The following IPO11 variants were observed in gnomAD, a reference collection of about 807,000 sequenced individuals.
The protein encoded by IPO11 is importin 11, also known as importin-11.
In IPO11, 66 loss-of-function variants were observed where a neutral mutation model predicts 143.2. The ratio of observed to expected loss-of-function variants is 0.46; its 90% confidence interval spans 0.38 to 0.57. The LOEUF (loss-of-function observed/expected upper bound fraction) is 0.57, where lower values mean the gene tolerates loss of function less well. Ranked by LOEUF, IPO11 falls within the 20% of genes least tolerant of loss-of-function variation. The pLI, the probability that IPO11 is intolerant of heterozygous loss-of-function variation, is 0.00. For synonymous variants in IPO11, 385 were observed against 377.8 expected, an observed-to-expected ratio of 1.02 and a Z score of -0.22; for missense variants, 1,026 against 1,141.0, an observed-to-expected ratio of 0.90 and a Z score of 1.45.
chr5:62,436,529 G>T (rs1744245286), intron 1 of IPO11, among the ~76,000 whole-genome samples: 1 of 152,190 alleles, frequency 6.6e-6, no homozygotes, highest in South Asian at 2.1e-4. Context: ...GTATAGAATT[G>T]TATATACAAT....
chr5:62,587,874 G>A (rs1490999460), intron 27 of IPO11, among the ~76,000 whole-genome samples: 1 of 152,132 alleles, frequency 6.6e-6, no homozygotes, highest in Non-Finnish European at 1.5e-5. Context: ...CTGGTGGAGC[G>A]ACAATTTGAG....
chr5:62,435,210 G>GTGTATATA (rs1744172394), intron 1 of IPO11, among the ~76,000 whole-genome samples: 7 of 92,328 alleles, frequency 7.6e-5, no homozygotes, highest in Non-Finnish European at 1.4e-4. Flanking sequence ...GTATATATAT[G>GTGTATATA]TGTATATATA....
At chr5:62,413,379 C>G (rs958164156) in intron 1 of IPO11, 5 of 152,164 alleles carry the variant, frequency 3.3e-5, no homozygotes, top group Non-Finnish European at 5.9e-5. Context: ...ACATTAGACC[C>G]TTACATGCTT....
At chr5:62,438,215 T>C (rs1305552092) in intron 2 of IPO11, among the ~76,000 whole-genome samples, 1 of 152,196 alleles carries the variant, frequency 6.6e-6, no homozygotes, top group Non-Finnish European at 1.5e-5. Flanking sequence ...TTTTAACTTG[T>C]TGGCTAAAAA....
chr5:62,540,093 T>C (rs1365116350), intron 24 of IPO11, among the ~76,000 whole-genome samples: 2 of 152,274 alleles, frequency 1.3e-5, no homozygotes, highest in East Asian at 3.9e-4. Flanking sequence ...ATGTGTGCTC[T>C]GTTTGCTCTG....
At chr5:62,504,827 ATATTCTCAG>A (rs1561339100) in intron 17 of IPO11, 22 bp from the exon 18 acceptor site, 1 of 1,461,444 alleles carries the variant, frequency 6.8e-7, no homozygotes, top group South Asian at 1.3e-5. Flanking sequence ...TAAAACTTAT[ATATTCTCAG>A]TATTCCTTAA....
chr5:62,463,109 A>G (rs1346363496), intron 5 of IPO11, among the ~76,000 whole-genome samples: 3 of 152,072 alleles, frequency 2.0e-5, no homozygotes, highest in Admixed American at 6.6e-5. Context: ...TGGTGTGATC[A>G]TAGCTCACTG....
chr5:62,557,869 G>T (rs1375657690), intron 26 of IPO11, among the ~76,000 whole-genome samples: 1 of 152,162 alleles, frequency 6.6e-6, no homozygotes, highest in Non-Finnish European at 1.5e-5. Context: ...TGGCTGAAAA[G>T]AACTCTCAGC....
chr5:62,461,778 G>T (rs1745366307), intron 5 of IPO11, among the ~76,000 whole-genome samples: 1 of 152,132 alleles, frequency 6.6e-6, no homozygotes, highest in African/African-American at 2.4e-5. Context: ...TAAAGTACAG[G>T]TTAAGTACTT....
At chr5:62,481,507 A>G (rs1010018675) in intron 9 of IPO11, among the ~76,000 whole-genome samples, 1 of 151,958 alleles carries the variant, frequency 6.6e-6, no homozygotes, top group African/African-American at 2.4e-5. Context: ...TTCTGCATCT[A>G]TTGAGATAAT....
intron 16 of IPO11, among the ~76,000 whole-genome samples, chr5:62,495,753 G>C (rs1561334572): frequency 6.6e-6 from 1 of 152,098 alleles, no homozygotes. Context: ...TTATAGGCGT[G>C]AGCCACTGCA....
At chr5:62,456,466 C>T (rs1745160668) in intron 5 of IPO11, among the ~76,000 whole-genome samples, 1 of 151,978 alleles carries the variant, frequency 6.6e-6, no homozygotes, top group South Asian at 2.1e-4. Context: ...AAATAATGTC[C>T]CCAAATCACG....
intron 28 of IPO11, among the ~76,000 whole-genome samples, chr5:62,594,107 GGAA>G (rs1375524045): frequency 2.0e-5 from 3 of 152,118 alleles, no homozygotes; most frequent in Non-Finnish European, 4.4e-5. Context: ...TTGGAAAAAA[GGAA>G]GAAAACTCTA....
intron 6 of IPO11, among the ~76,000 whole-genome samples, chr5:62,468,960 C>T (rs371485756): frequency 1.3e-4 from 20 of 152,214 alleles, no homozygotes; most frequent in African/African-American, 4.3e-4. Context: ...TTATTTCATT[C>T]GACAAATCTA....
At chr5:62,465,644 A>G (rs1462720269) in intron 5 of IPO11, among the ~76,000 whole-genome samples, 1 of 152,238 alleles carries the variant, frequency 6.6e-6, no homozygotes, top group Non-Finnish European at 1.5e-5. Context: ...ACTCTTTGAA[A>G]TATTGCATAT....
chr5:62,504,592 A>G, intron 16 of IPO11, 75 bp from the exon 17 acceptor site: 2 of 839,052 alleles, frequency 2.4e-6, no homozygotes, highest in East Asian at 5.6e-5. Context: ...GATTTGGAAT[A>G]AAATTTTTTG....
intron 3 of IPO11, 151 bp downstream of exon 3, chr5:62,443,234 G>C (rs536323923): frequency 4.2e-6 from 2 of 478,660 alleles, no homozygotes; most frequent in Admixed American, 8.1e-5. Context: ...GATTAGCATG[G>C]TCTCTGTGCA....
chr5:62,596,248 G>A (rs1233016363), intron 28 of IPO11, among the ~76,000 whole-genome samples: 3 of 114,124 alleles, frequency 2.6e-5, no homozygotes, highest in Non-Finnish European at 5.0e-5. Flanking sequence ...CAGCTTGGGT[G>A]ACAGACCAAG....
intron 29 of IPO11, among the ~76,000 whole-genome samples, chr5:62,612,605 A>G (rs1318370756): frequency 3.9e-5 from 6 of 152,220 alleles, no homozygotes; most frequent in African/African-American, 1.4e-4. Flanking sequence ...TTTATTTTGA[A>G]AAATAGTTAT....
Sources: allele counts gnomAD v4.1 joint callset (sites outside exome capture counted in the v4.1 genomes callset), GRCh38; gene constraint gnomAD v4.1.1; transcripts MANE v1.5; gene names NCBI Gene and HGNC (gene_info 2026-07-23, HGNC 2026-07-21).